Variants in MAN1A1 observed in about 807,000 individuals in gnomAD.
The protein encoded by MAN1A1 is mannosyl-oligosaccharide 1,2-alpha-mannosidase IA.
A neutral mutation model predicts 70.8 loss-of-function variants in MAN1A1; 29 were observed. The ratio of observed to expected loss-of-function variants is 0.41; its 90% CI spans 0.31 to 0.56. The LOEUF is 0.56. MAN1A1 is among the 20% of genes least tolerant of loss of function. MAN1A1 has a pLI of 0.29. For synonymous variants in MAN1A1, 349 were observed against 330.1 expected, an observed-to-expected ratio of 1.06 and a Z score of -0.62; for missense variants, 747 against 841.3, an observed-to-expected ratio of 0.89 and a Z score of 1.39.
intron 6 of MAN1A1, among the ~76,000 whole-genome samples, chr6:119,211,236 T>C (rs879515228): frequency 2.0e-5 from 3 of 152,226 alleles, no homozygotes; most frequent in Non-Finnish European, 4.4e-5. Context: ...ATCTCTGTCT[T>C]TCATTCTATG....
intron 6 of MAN1A1, among the ~76,000 whole-genome samples, chr6:119,226,348 G>A (rs1021602714): frequency 6.6e-6 from 1 of 152,178 alleles, no homozygotes; most frequent in Non-Finnish European, 1.5e-5. Flanking sequence ...CTGGGTGGAC[G>A]CTGCACATGA....
intron 2 of MAN1A1, among the ~76,000 whole-genome samples, chr6:119,322,964 A>G (rs1374368481): frequency 1.3e-5 from 2 of 152,224 alleles, no homozygotes; most frequent in African/African-American, 4.8e-5. Flanking sequence ...ATACCCTGAC[A>G]TCACAGGACA....
chr6:119,340,687 G>A (rs764926087), intron 2 of MAN1A1, among the ~76,000 whole-genome samples: 2 of 152,118 alleles, frequency 1.3e-5, no homozygotes, highest in Non-Finnish European at 2.9e-5. Context: ...TCAGAACTTG[G>A]TGTCCTTCAT....
intron 6 of MAN1A1, among the ~76,000 whole-genome samples, chr6:119,221,472 C>CTTTTT (rs5879491): frequency 8.4e-5 from 11 of 130,376 alleles, no homozygotes; most frequent in Non-Finnish European, 9.7e-5. Flanking sequence ...ATTTTCTTTT[C>CTTTTT]TTTTTTTTTT....
rs772554892 is a variant in MAN1A1 at position 119,180,341 on chromosome 6, C to T, written c.1806G>A (p.Gln602=). 9 of 1,613,664 alleles carry T rather than the reference C, an allele frequency of 5.6e-6. No homozygotes were observed. Among genetic ancestry groups the T allele is most frequent in the Non-Finnish European group, 6.8e-6 (8 of 1,179,702 alleles). The change falls in exon 12 of 13, where the codon CAG becomes CAA. Residue 602 remains glutamine, a synonymous_variant. Transcript: ENST00000368468. ...YLLHESYDDV[Q]QSFFLAETLK... Reference sequence around the variant, plus strand: ...ATGTCTCTGCCAGGAAGAAACTCTGCTGCACATCATCATAACTCTCATGAA... The same window carrying T: ...ATGTCTCTGCCAGGAAGAAACTCTGTTGCACATCATCATAACTCTCATGAA...
chr6:119,215,445 G>C (rs1774173056), intron 6 of MAN1A1, among the ~76,000 whole-genome samples: 1 of 152,172 alleles, frequency 6.6e-6, no homozygotes, highest in Non-Finnish European at 1.5e-5. Context: ...AATGTGATAA[G>C]AAGAGTCTCT....
chr6:119,197,551 A>G (rs1348985303), intron 8 of MAN1A1, among the ~76,000 whole-genome samples: 2 of 152,148 alleles, frequency 1.3e-5, no homozygotes, highest in Non-Finnish European at 2.9e-5. Context: ...GCAGGGAAAG[A>G]ATAGAGGAAA....
chr6:119,307,751 T>G (rs1005615363), intron 2 of MAN1A1, among the ~76,000 whole-genome samples: 1 of 152,172 alleles, frequency 6.6e-6, no homozygotes, highest in Non-Finnish European at 1.5e-5. Flanking sequence ...TGTATGCATA[T>G]TTTTTAAAAG....
At chr6:119,190,699 T>A (rs970050582) in intron 9 of MAN1A1, among the ~76,000 whole-genome samples, 7 of 152,200 alleles carry the variant, frequency 4.6e-5, no homozygotes, top group Non-Finnish European at 8.8e-5. Context: ...GAAAAATCTT[T>A]AAATTTGGGA....
intron 5 of MAN1A1, among the ~76,000 whole-genome samples, chr6:119,285,137 CTTT>C (rs1554211815): frequency 1.4e-5 from 1 of 70,288 alleles, no homozygotes; most frequent in Non-Finnish European, 3.4e-5. Flanking sequence ...AGGTAGCAGA[CTTT>C]TTTTTTTTTT....
chr6:119,258,550 T>C (rs999836202), intron 5 of MAN1A1, among the ~76,000 whole-genome samples: 2 of 152,090 alleles, frequency 1.3e-5, no homozygotes, highest in African/African-American at 2.4e-5. Context: ...TTATATAAGG[T>C]ACTTGAGCAT....
At chr6:119,291,807 T>C (rs986602698) in intron 4 of MAN1A1, among the ~76,000 whole-genome samples, 9 of 152,050 alleles carry the variant, frequency 5.9e-5, no homozygotes, top group African/African-American at 1.7e-4. Context: ...ATGTATGTTA[T>C]ACCATGCTGA....
In MAN1A1 at chr6:119,205,428, T is replaced by A. The variant is rs76044663; in HGVS notation, c.993-546A>T. On this transcript the variant is annotated intron_variant, in intron 6 of 12. Transcript: ENST00000368468. ...TTACGTGTATCTTCACACTATTTTA[T>A]CTTTTTCTAAGCATATTACCTAAGG... Among the ~76,000 whole-genome samples, 1,294 of 152,332 alleles carry A rather than the reference T, an allele frequency of 8.5e-3. 6 individuals carry two copies. Among genetic ancestry groups the A allele is most frequent in the Non-Finnish European group, 0.015 (1,031 of 68,024 alleles).
chr6:119,185,295 C>G (rs117529937), intron 11 of MAN1A1, among the ~76,000 whole-genome samples: 2 of 152,190 alleles, frequency 1.3e-5, no homozygotes, highest in African/African-American at 4.8e-5. Flanking sequence ...GTGCTGTTAA[C>G]CCACAAAAGA....
chr6:119,287,387 A>G (rs189931066), intron 5 of MAN1A1, among the ~76,000 whole-genome samples: 15 of 152,200 alleles, frequency 9.9e-5, no homozygotes, highest in Non-Finnish European at 1.9e-4. Context: ...AGTCACATAA[A>G]TTCTTTTCTA....
At chr6:119,263,152 G>T (rs1775656331) in intron 5 of MAN1A1, among the ~76,000 whole-genome samples, 1 of 151,928 alleles carries the variant, frequency 6.6e-6, no homozygotes, top group Non-Finnish European at 1.5e-5. Context: ...AGCCTATTGT[G>T]GGACCTTGTG....
chr6:119,180,010 A>C, intron 12 of MAN1A1, 65 bp from the exon 13 acceptor site: 1 of 1,517,518 alleles, frequency 6.6e-7, no homozygotes. Flanking sequence ...CCACAAACAC[A>C]CAGCAAAAAC....
intron 2 of MAN1A1, among the ~76,000 whole-genome samples, chr6:119,324,158 A>T (rs984414877): frequency 6.6e-5 from 10 of 152,176 alleles, no homozygotes; most frequent in Admixed American, 6.6e-4. Flanking sequence ...AGACAGCATG[A>T]ACACCTCTCC....
intron 2 of MAN1A1, among the ~76,000 whole-genome samples, chr6:119,327,120 G>A (rs550064663): frequency 6.6e-6 from 1 of 151,958 alleles, no homozygotes; most frequent in African/African-American, 2.4e-5. Flanking sequence ...CCCTTAAAGA[G>A]CAACCTGGAT....
Sources: gnomAD v4.1 joint callset for allele counts (sites outside exome capture counted in the v4.1 genomes callset) on GRCh38, gnomAD v4.1.1 for gene constraint, MANE v1.5 for transcripts, NCBI Gene and HGNC (gene_info 2026-07-23, HGNC 2026-07-21) for gene names.